The following ATP6V0A4 variants were observed in gnomAD, a reference collection of about 807,000 sequenced individuals.
ATP6V0A4 encodes the protein V-type proton ATPase 116 kDa subunit a 4.
A neutral mutation model predicts 107.3 loss-of-function variants in ATP6V0A4; 86 were observed. The ratio of observed to expected loss-of-function variants is 0.80; its 90% CI spans 0.67 to 0.96. The LOEUF (loss-of-function observed/expected upper bound fraction) is 0.96, where lower values mean the gene tolerates loss of function less well. Ranked by LOEUF, ATP6V0A4 falls within the 40% of genes least tolerant of loss-of-function variation. The probability of loss-of-function intolerance (pLI) is 0.00; values close to 1 mark genes in which losing one functional copy is unlikely to be tolerated. For missense variants in ATP6V0A4, 908 were observed against 1,045.6 expected, an observed-to-expected ratio of 0.87 and a Z score of 1.81; for synonymous variants, 353 against 381.4, an observed-to-expected ratio of 0.93 and a Z score of 0.87.
chr7:138,764,789 T>G (rs1466876823), intron 5 of ATP6V0A4: 1 of 152,062 alleles, frequency 6.6e-6, no homozygotes, highest in African/African-American at 2.4e-5. Flanking sequence ...TTAACAGAGT[T>G]TTTGTTTTTG....
chr7:138,726,393 T>TG lies in ATP6V0A4; in HGVS notation c.2010+2367dup, dbSNP rs550657151. 2.0e-5 allele frequency among the ~76,000 whole-genome samples: 3 copies of TG among 152,210 alleles called. No homozygotes were observed. In the South Asian group the frequency reaches 6.2e-4, roughly 32 times the overall value. On this transcript the variant is annotated intron_variant, in intron 18 of 21. Coordinates refer to ENST00000310018, the MANE Select transcript of ATP6V0A4 (RefSeq NM_020632.3). ...GCAAGTCAGAAGGGGAAACAGAACG[T>TG]GGGGGGCCTGGTGGCTGGCCACAAG... is the stretch of plus-strand genomic sequence containing the variant.
intron 19 of ATP6V0A4, among the ~76,000 whole-genome samples, chr7:138,720,487 C>T (rs927382734): frequency 6.6e-6 from 1 of 152,054 alleles, no homozygotes; most frequent in Non-Finnish European, 1.5e-5. Context: ...CTTGAGGAGT[C>T]AGAACATGCG....
intron 14 of ATP6V0A4, among the ~76,000 whole-genome samples, chr7:138,743,653 G>A (rs1805755246): frequency 6.6e-6 from 1 of 152,064 alleles, no homozygotes; most frequent in East Asian, 1.9e-4. Context: ...AAGAGATTGT[G>A]AACATGTTTA....
intron 12 of ATP6V0A4, 168 bp from the exon 13 acceptor site, chr7:138,747,732 A>C: frequency 9.1e-7 from 1 of 1,104,500 alleles, no homozygotes; most frequent in Non-Finnish European, 1.3e-6. Context: ...CACATAAATG[A>C]GTGCATCTGT....
At chr7:138,772,416 T>A (rs944984171) in intron 2 of ATP6V0A4, among the ~76,000 whole-genome samples, 1 of 152,118 alleles carries the variant, frequency 6.6e-6, no homozygotes. Context: ...ATAAAATAAA[T>A]CTGTATGTCC....
intron 10 of ATP6V0A4, among the ~76,000 whole-genome samples, chr7:138,755,247 T>C (rs1339515884): frequency 1.3e-5 from 2 of 152,216 alleles, no homozygotes; most frequent in Non-Finnish European, 2.9e-5. Context: ...GATGAATGAA[T>C]GTTCACATGG....
chr7:138,735,888 G>A (rs1166310567), intron 15 of ATP6V0A4, among the ~76,000 whole-genome samples: 7 of 27,340 alleles, frequency 2.6e-4, no homozygotes, highest in Middle Eastern at 0.032. Flanking sequence ...GTGAGACCCC[G>A]TCTCTACAAA....
chr7:138,709,677 G>A lies in ATP6V0A4; in HGVS notation c.2376C>T (p.Ile792=). The part of the protein sequence containing the change: ...FAVFAVLTVA[I]LLIMEGLSAF... ...CAGAGAGGCCCTCCATGATCAGAAG[G>A]ATGGCTACTGTCAGGACAGCAAATA... The change falls in exon 21 of 22, where the codon ATC becomes ATT. Residue 792 remains isoleucine, a synonymous_variant. Transcript: ENST00000310018. 1 of 1,613,598 alleles carries A rather than the reference G, an allele frequency of 6.2e-7. No individual in the cohort carries two copies. The highest frequency in any genetic ancestry group is 8.5e-7 in the Non-Finnish European group (1 of 1,179,824).
intron 2 of ATP6V0A4, among the ~76,000 whole-genome samples, chr7:138,774,607 CTA>C (rs1475548658): frequency 1.8e-5 from 1 of 55,210 alleles, no homozygotes; most frequent in East Asian, 4.1e-4. Flanking sequence ...ATATATATAT[CTA>C]TATATATAAT....
intron 19 of ATP6V0A4, among the ~76,000 whole-genome samples, chr7:138,720,467 C>T (rs1428683937): frequency 2.0e-5 from 3 of 152,066 alleles, no homozygotes; most frequent in African/African-American, 7.2e-5. Flanking sequence ...TTGCCCTGGA[C>T]AGGCCAGGAC....
At chr7:138,738,771 C>G (rs189987538) in intron 15 of ATP6V0A4, among the ~76,000 whole-genome samples, 86 of 152,230 alleles carry the variant, frequency 5.6e-4, no homozygotes, top group Middle Eastern at 3.4e-3. Context: ...AGGGCTAGTA[C>G]TATTTACTCC....
chr7:138,772,743 C>T (rs924315964), intron 2 of ATP6V0A4, among the ~76,000 whole-genome samples: 1 of 152,178 alleles, frequency 6.6e-6, no homozygotes, highest in Non-Finnish European at 1.5e-5. Context: ...CCCTGGTCAT[C>T]AGAGGCCTCC....
At chr7:138,768,944 G>A in intron 4 of ATP6V0A4, 70 bp from the exon 5 acceptor site, 1 of 1,599,862 alleles carries the variant, frequency 6.3e-7, no homozygotes, top group Non-Finnish European at 8.5e-7. Context: ...ATGAGGTCAA[G>A]CAAGACATGT....
intron 1 of ATP6V0A4, among the ~76,000 whole-genome samples, chr7:138,796,134 TG>T (rs1269925045): frequency 6.6e-6 from 1 of 152,170 alleles, no homozygotes; most frequent in East Asian, 1.9e-4. Context: ...GGACAGCATT[TG>T]TTCTACTAAG....
intron 1 of ATP6V0A4, 113 bp downstream of exon 1, chr7:138,797,921 G>GT: frequency 6.8e-7 from 1 of 1,470,882 alleles, no homozygotes; most frequent in South Asian, 1.2e-5. Flanking sequence ...GAGAGAAGGT[G>GT]TGACAGGCCA....
chr7:138,762,405 A>T lies in ATP6V0A4; in HGVS notation c.447T>A (p.Phe149Leu). ...ETETNLADDFFTEDTSGLLEL... is the reference protein window; with the variant it reads ...ETETNLADDFLTEDTSGLLEL... ...CCAGGAGGCCAGAAGTGTCCTCAGTAAAGAAATCATCAGCTAAATTGGTTT... is the reference window on the plus strand; with the variant it reads ...CCAGGAGGCCAGAAGTGTCCTCAGTTAAGAAATCATCAGCTAAATTGGTTT... Residue 149 changes from phenylalanine (F) to leucine (L), a missense_variant, in exon 7 of 22, where the codon TTT becomes TTA. Transcript: ENST00000310018. The T allele has an allele frequency of 6.2e-7, 1 of 1,614,192 alleles. No homozygotes were observed. The highest frequency in any genetic ancestry group is 8.5e-7 in the Non-Finnish European group (1 of 1,180,022).
chr7:138,758,739 A>ATTTTTTTTTTTTTTTTTTT (rs398006555), intron 8 of ATP6V0A4, among the ~76,000 whole-genome samples: 2 of 59,176 alleles, frequency 3.4e-5, no homozygotes, highest in Non-Finnish European at 5.7e-5. Context: ...CTGACTCAGA[A>ATTTTTTTTTTTTTTTTTTT]TTTTTTTTTT....
intron 1 of ATP6V0A4, among the ~76,000 whole-genome samples, chr7:138,787,183 G>A (rs1487172971): frequency 1.3e-5 from 2 of 152,180 alleles, no homozygotes; most frequent in African/African-American, 4.8e-5. Context: ...TAGCTTTCCA[G>A]TTGTTTCTCA....
In ATP6V0A4 at chr7:138,739,540, CG is replaced by C; in HGVS notation, c.1571del (p.Pro524ArgfsTer13). ...ATTTAACCCAAGAAGACATTATTACCGGATCAATCCCAAACGGGTATGGATT... is the reference window on the plus strand; with the variant it reads ...ATTTAACCCAAGAAGACATTATTACCGATCAATCCCAAACGGGTATGGATT... ...FGNPYPFGID[P>X]IWNLASNKLT... On this transcript the variant is annotated frameshift_variant and splice_region_variant, in exon 15 of 22. Coordinates refer to ENST00000310018, the MANE Select transcript of ATP6V0A4 (RefSeq NM_020632.3). LOFTEE classifies it high-confidence loss of function. 6.2e-7 allele frequency: 1 copy of C among 1,614,088 alleles called. No homozygotes were observed. Among genetic ancestry groups the C allele is most frequent in the Non-Finnish European group, 8.5e-7 (1 of 1,179,970 alleles).
Sources: allele counts gnomAD v4.1 joint callset (sites outside exome capture counted in the v4.1 genomes callset), GRCh38; gene constraint gnomAD v4.1.1; transcripts MANE v1.5; gene names NCBI Gene and HGNC (gene_info 2026-07-23, HGNC 2026-07-21).